The following SLC2A9 variants were observed in gnomAD, a reference collection of about 807,000 sequenced individuals.
The protein encoded by SLC2A9 is solute carrier family 2, facilitated glucose transporter member 9.
In SLC2A9, 39 loss-of-function variants were observed where a neutral mutation model predicts 50.6. The ratio of observed to expected loss-of-function variants is 0.77; its 90% confidence interval spans 0.60 to 1.01. The LOEUF (loss-of-function observed/expected upper bound fraction) is 1.01. Ranked by LOEUF, SLC2A9 falls within the 50% of genes least tolerant of loss-of-function variation. The pLI is 0.00. For missense variants in SLC2A9, 686 were observed against 677.6 expected, an observed-to-expected ratio of 1.01 and a Z score of -0.14; for synonymous variants, 324 against 276.9, an observed-to-expected ratio of 1.17 and a Z score of -1.69.
At chr4:9,936,216 C>A (rs776061241) in intron 6 of SLC2A9, among the ~76,000 whole-genome samples, 1 of 152,140 alleles carries the variant, frequency 6.6e-6, no homozygotes, top group African/African-American at 2.4e-5. Flanking sequence ...AGAATCCTTA[C>A]GAACAGGATT....
At chr4:9,972,586 T>A (rs1754091552) in intron 5 of SLC2A9, among the ~76,000 whole-genome samples, 3 of 152,100 alleles carry the variant, frequency 2.0e-5, no homozygotes, top group Admixed American at 2.0e-4. Context: ...ATTAAACTCA[T>A]ACCAACCATA....
intron 10 of SLC2A9, among the ~76,000 whole-genome samples, chr4:9,861,254 C>T (rs1731580317): frequency 6.6e-6 from 1 of 152,058 alleles, no homozygotes; most frequent in African/African-American, 2.4e-5. Flanking sequence ...TGAGGTGTCT[C>T]ACATGATGGC....
intron 6 of SLC2A9, among the ~76,000 whole-genome samples, chr4:9,937,701 G>T (rs779289695): frequency 6.6e-6 from 1 of 152,194 alleles, no homozygotes; most frequent in Non-Finnish European, 1.5e-5. Context: ...GCCATCTCCA[G>T]ATGGGTATAG....
At chr4:10,037,787 A>G (rs907416235) in intron 1 of SLC2A9, among the ~76,000 whole-genome samples, 10 of 151,998 alleles carry the variant, frequency 6.6e-5, no homozygotes, top group African/African-American at 2.4e-4. Flanking sequence ...TGTCTCCACT[A>G]AAAACACACA....
chr4:9,860,982 C>T (rs1731528266), intron 10 of SLC2A9, among the ~76,000 whole-genome samples: 1 of 152,204 alleles, frequency 6.6e-6, no homozygotes, highest in African/African-American at 2.4e-5. Context: ...GAGGCCTTCC[C>T]TGGCTACCCT....
chr4:9,802,438 G>C (rs1721553520), intron 3 of SLC2A9, among the ~76,000 whole-genome samples: 1 of 151,990 alleles, frequency 6.6e-6, no homozygotes, highest in African/African-American at 2.4e-5. Context: ...TGGGAAGGAA[G>C]GGCTCTGTGG....
chr4:9,978,949 C>T (rs780282017), intron 5 of SLC2A9, among the ~76,000 whole-genome samples: 29 of 152,182 alleles, frequency 1.9e-4, no homozygotes, highest in Non-Finnish European at 3.4e-4. Context: ...AAATGGAATA[C>T]AGTGATTCCT....
In SLC2A9 at chr4:9,942,002, G is replaced by A; in HGVS notation, c.725C>T (p.Ala242Val). 1 of 1,614,206 alleles carries A rather than the reference G, an allele frequency of 6.2e-7. No individual in the cohort carries two copies. Among genetic ancestry groups the A allele is most frequent in the South Asian group, 1.1e-5 (1 of 91,084 alleles). ...PYLFGVIVVP[A>V]VVQLLSLPFL... Reference sequence around the variant, plus strand: ...GGGAAGGCTCAGCAGCTGGACAACGGCAGGGACCACAATCACTCCAAACAG... The same window carrying A: ...GGGAAGGCTCAGCAGCTGGACAACGACAGGGACCACAATCACTCCAAACAG... Residue 242 changes from alanine (A) to valine (V), a missense_variant, in exon 6 of 12, where the codon GCC becomes GTC. Transcript: ENST00000264784.
intron 1 of SLC2A9, among the ~76,000 whole-genome samples, chr4:10,038,170 T>C (rs1578397415): frequency 6.6e-6 from 1 of 151,908 alleles, no homozygotes; most frequent in Non-Finnish European, 1.5e-5. Flanking sequence ...TTACATAGTA[T>C]GTGTATATTT....
At chr4:9,980,802 C>T (rs1755614416) in intron 4 of SLC2A9, 65 bp from the exon 5 acceptor site, 7 of 1,606,358 alleles carry the variant, frequency 4.4e-6, no homozygotes, top group Admixed American at 1.7e-5. Flanking sequence ...ACTCTGGTTA[C>T]AATGCCTCTC....
intron 8 of SLC2A9, among the ~76,000 whole-genome samples, chr4:9,903,182 A>C (rs1431012647): frequency 1.3e-5 from 2 of 152,118 alleles, no homozygotes; most frequent in Admixed American, 6.6e-5. Flanking sequence ...TCCAGCAGTA[A>C]ACTCTGAGGC....
intron 3 of SLC2A9, among the ~76,000 whole-genome samples, chr4:9,803,736 C>G (rs191982165): frequency 6.6e-6 from 1 of 152,222 alleles, no homozygotes; most frequent in African/African-American, 2.4e-5. Flanking sequence ...CTAAGAGGAA[C>G]TGAGTTCTTC....
intron 5 of SLC2A9, among the ~76,000 whole-genome samples, chr4:9,967,176 C>A (rs968501646): frequency 1.2e-4 from 18 of 152,164 alleles, no homozygotes; most frequent in African/African-American, 4.3e-4. Flanking sequence ...TTTTAAAATT[C>A]ATTATTATCA....
intron 3 of SLC2A9, among the ~76,000 whole-genome samples, chr4:9,792,157 ATGTT>A (rs1257826419): frequency 2.9e-4 from 33 of 112,832 alleles, no homozygotes; most frequent in African/African-American, 1.0e-3. Context: ...TTTCTATTCT[ATGTT>A]TCTTTTTTTT....
downstream of SLC2A9, among the ~76,000 whole-genome samples, chr4:9,797,983 G>C (rs183006594): frequency 6.6e-6 from 1 of 152,226 alleles, no homozygotes; most frequent in African/African-American, 2.4e-5. Context: ...GGGGCTAGAT[G>C]AAAGTGTGTG....
At chr4:9,831,597 C>T (rs186375917) in intron 11 of SLC2A9, among the ~76,000 whole-genome samples, 53 of 152,264 alleles carry the variant, frequency 3.5e-4, no homozygotes, top group African/African-American at 1.0e-3. Flanking sequence ...TGCACTCTTG[C>T]GCTGCCGCCC....
intron 10 of SLC2A9, among the ~76,000 whole-genome samples, chr4:9,874,185 C>T (rs180713341): frequency 6.6e-6 from 1 of 152,150 alleles, no homozygotes; most frequent in South Asian, 2.1e-4. Flanking sequence ...TCAGACATTC[C>T]TCCTTTTCCC....
chr4:9,908,396 A>C (rs1741083654), intron 7 of SLC2A9, 51 bp from the exon 8 acceptor site: 3 of 1,325,126 alleles, frequency 2.3e-6, no homozygotes, highest in Non-Finnish European at 3.3e-6. Flanking sequence ...GAAGGACTTA[A>C]TCTATTTTCT....
At chr4:10,002,525 A>C (rs1760024112) in intron 2 of SLC2A9, among the ~76,000 whole-genome samples, 1 of 152,228 alleles carries the variant, frequency 6.6e-6, no homozygotes, top group Admixed American at 6.5e-5. Flanking sequence ...GTGAAAGTTA[A>C]GCAGATAAAC....
Sources: gnomAD v4.1 joint callset for allele counts (sites outside exome capture counted in the v4.1 genomes callset) on GRCh38, gnomAD v4.1.1 for gene constraint, MANE v1.5 for transcripts, NCBI Gene and HGNC (gene_info 2026-07-23, HGNC 2026-07-21) for gene names.